PLCB1: variants seen among roughly 807,000 people sequenced by gnomAD.
PLCB1 encodes 1-phosphatidylinositol 4,5-bisphosphate phosphodiesterase beta-1.
Under a neutral mutation model 161.8 loss-of-function variants are expected in PLCB1, and 46 were observed. The observed-to-expected ratio is 0.28, with a 90% CI of 0.22 to 0.36. The LOEUF is 0.36. PLCB1 is among the 10% of genes least tolerant of loss of function. PLCB1 has a pLI of 1.00. For missense variants in PLCB1, 1,016 were observed against 1,472.5 expected, an observed-to-expected ratio of 0.69 and a Z score of 5.07; for synonymous variants, 517 against 503.7, an observed-to-expected ratio of 1.03 and a Z score of -0.35.
intron 2 of PLCB1, among the ~76,000 whole-genome samples, chr20:8,328,728 G>A (rs1181537502): frequency 3.3e-5 from 5 of 152,108 alleles, no homozygotes. Flanking sequence ...GTATTCATAT[G>A]CTCTGAGACA....
intron 3 of PLCB1, among the ~76,000 whole-genome samples, chr20:8,415,721 A>C (rs1124949): frequency 6.6e-6 from 1 of 152,162 alleles, no homozygotes; most frequent in Non-Finnish European, 1.5e-5. Flanking sequence ...GATGGTGGAC[A>C]TGGTGTAGGA....
At chr20:8,309,576 T>C (rs899232989) in intron 2 of PLCB1, among the ~76,000 whole-genome samples, 2 of 152,098 alleles carry the variant, frequency 1.3e-5, no homozygotes, top group African/African-American at 4.8e-5. Context: ...GAAATAGAAG[T>C]CCCATGATGA....
At chr20:8,600,450 T>G (rs1206375978) in intron 3 of PLCB1, among the ~76,000 whole-genome samples, 2 of 149,056 alleles carry the variant, frequency 1.3e-5, no homozygotes, top group South Asian at 4.3e-4. Flanking sequence ...GGAGGCAGTC[T>G]GCCCGTTCTC....
At chr20:8,362,493 T>C (rs1986574288) in intron 2 of PLCB1, among the ~76,000 whole-genome samples, 1 of 152,222 alleles carries the variant, frequency 6.6e-6, no homozygotes, top group South Asian at 2.1e-4. Context: ...GTTTTATTCA[T>C]TTTACCTCTT....
intron 3 of PLCB1, among the ~76,000 whole-genome samples, chr20:8,578,889 GT>G (rs1348688796): frequency 1.2e-4 from 19 of 152,266 alleles, no homozygotes; most frequent in Admixed American, 2.0e-4. Context: ...ACAGACCCGA[GT>G]AAATTTCTGA....
At chr20:8,430,223 A>C (rs531714950) in intron 3 of PLCB1, among the ~76,000 whole-genome samples, 12 of 152,184 alleles carry the variant, frequency 7.9e-5, no homozygotes, top group Middle Eastern at 6.8e-3. Flanking sequence ...AAAAAATCAA[A>C]GCTGAGTCCA....
chr20:8,698,078 A>C (rs1348597019), intron 11 of PLCB1, among the ~76,000 whole-genome samples: 1 of 152,234 alleles, frequency 6.6e-6, no homozygotes, highest in Non-Finnish European at 1.5e-5. Context: ...ATTTTTGTGA[A>C]ATATCCATAA....
rs116779145 is a variant in PLCB1 at position 8,455,720 on chromosome 20, C to G, written c.246+84270C>G. Among the ~76,000 whole-genome samples the G allele has an allele frequency of 8.4e-3, 1,280 of 152,156 alleles. 21 individuals are homozygous for G. The highest frequency in any genetic ancestry group is 0.029 in the African/African-American group (1,207 of 41,508). ...TTGGTTGGGATTATCTGAGAGTAGTCTTTTTTAGTTCTGTGGCTGTGTGAG... is the reference window on the plus strand; with the variant it reads ...TTGGTTGGGATTATCTGAGAGTAGTGTTTTTTAGTTCTGTGGCTGTGTGAG... On this transcript the variant is annotated intron_variant, in intron 3 of 31. Coordinates refer to ENST00000338037, the MANE Select transcript of PLCB1 (RefSeq NM_015192.4).
chr20:8,389,826 T>A (rs984657158), intron 3 of PLCB1, among the ~76,000 whole-genome samples: 5 of 152,138 alleles, frequency 3.3e-5, no homozygotes, highest in African/African-American at 1.2e-4. Context: ...CACACCCCAA[T>A]CAATTAAATT....
chr20:8,658,352 T>C (rs1397268493), intron 8 of PLCB1, among the ~76,000 whole-genome samples, 186 bp from the exon 9 acceptor site: 1 of 152,182 alleles, frequency 6.6e-6, no homozygotes, highest in Non-Finnish European at 1.5e-5. Context: ...TTGCACAAGA[T>C]ATTTGTAGCC....
At chr20:8,617,792 CA>C (rs1452771414) in intron 3 of PLCB1, among the ~76,000 whole-genome samples, 8 of 152,096 alleles carry the variant, frequency 5.3e-5, no homozygotes, top group Non-Finnish European at 1.0e-4. Context: ...TTCTAAACTA[CA>C]TTTCACAAAA....
intron 3 of PLCB1, among the ~76,000 whole-genome samples, chr20:8,487,605 G>A (rs529609729): frequency 6.6e-6 from 1 of 152,140 alleles, no homozygotes; most frequent in South Asian, 2.1e-4. Flanking sequence ...AACACCAAAA[G>A]AGGCATTGAG....
chr20:8,208,445 T>C (rs1268250616), intron 2 of PLCB1, among the ~76,000 whole-genome samples: 3 of 152,128 alleles, frequency 2.0e-5, no homozygotes, highest in Non-Finnish European at 2.9e-5. Flanking sequence ...CAATAAACCA[T>C]AGACATGCTT....
chr20:8,582,021 T>G (rs139547578), intron 3 of PLCB1, among the ~76,000 whole-genome samples: 12 of 152,292 alleles, frequency 7.9e-5, no homozygotes, highest in Non-Finnish European at 1.3e-4. Context: ...GGTGGGAGAA[T>G]TGACACTATG....
intron 31 of PLCB1, among the ~76,000 whole-genome samples, chr20:8,817,132 G>A (rs1985119670): frequency 6.6e-6 from 1 of 152,116 alleles, no homozygotes. Flanking sequence ...TATAATCTAA[G>A]ATAACAAAAT....
intron 31 of PLCB1, chr20:8,802,131 A>G: frequency 6.2e-7 from 1 of 1,611,468 alleles, no homozygotes; most frequent in Non-Finnish European, 8.5e-7. Flanking sequence ...TACTCCCCCC[A>G]ACCCTCAAGC....
At chr20:8,566,050 G>A (rs2123037150) in intron 3 of PLCB1, among the ~76,000 whole-genome samples, 1 of 152,112 alleles carries the variant, frequency 6.6e-6, no homozygotes, top group African/African-American at 2.4e-5. Flanking sequence ...ATCTCATTAT[G>A]TATTTGCTAT....
At chr20:8,689,646 A>G (rs6056018) in intron 10 of PLCB1, among the ~76,000 whole-genome samples, 99,980 of 151,856 alleles carry the variant, frequency 0.66, 34,018 homozygotes, top group South Asian at 0.78. Flanking sequence ...TATTAATACA[A>G]ATAATAAAAC....
At chr20:8,514,756 C>T (rs987958686) in intron 3 of PLCB1, among the ~76,000 whole-genome samples, 6 of 152,124 alleles carry the variant, frequency 3.9e-5, no homozygotes, top group African/African-American at 1.4e-4. Context: ...CATGATATAT[C>T]TTGTATGTAT....
Sources: allele counts gnomAD v4.1 joint callset (sites outside exome capture counted in the v4.1 genomes callset), GRCh38; gene constraint gnomAD v4.1.1; transcripts MANE v1.5; gene names NCBI Gene and HGNC (gene_info 2026-07-23, HGNC 2026-07-21).